The following C10orf143 variants were observed in gnomAD, a reference collection of about 807,000 sequenced individuals.
The protein encoded by C10orf143 is uncharacterized protein C10orf143.
chr10:130,086,118 C>T (rs1292446168), intron 1 of C10orf143, among the ~76,000 whole-genome samples: 1 of 152,182 alleles, frequency 6.6e-6, no homozygotes, highest in Non-Finnish European at 1.5e-5. Context: ...ACTTTCAATG[C>T]CATGTAACTA....
intron 1 of C10orf143, among the ~76,000 whole-genome samples, chr10:130,105,234 G>T (rs1283222435): frequency 6.6e-6 from 1 of 152,094 alleles, no homozygotes; most frequent in Non-Finnish European, 1.5e-5. Context: ...GGCCTGCTTT[G>T]TATTTTAGTT....
chr10:130,083,538 G>A (rs1202628528), intron 1 of C10orf143, among the ~76,000 whole-genome samples: 1 of 152,200 alleles, frequency 6.6e-6, no homozygotes, highest in Non-Finnish European at 1.5e-5. Context: ...GTACATCCAA[G>A]CAACGAAGTA....
intron 1 of C10orf143, among the ~76,000 whole-genome samples, chr10:130,083,097 C>A (rs567546735): frequency 6.6e-6 from 1 of 151,886 alleles, no homozygotes; most frequent in South Asian, 2.1e-4. Flanking sequence ...AAAAAAGGAC[C>A]AAAAACCTGA....
intron 3 of C10orf143, among the ~76,000 whole-genome samples, chr10:130,071,492 G>A (rs1245551410): frequency 3.3e-5 from 5 of 152,036 alleles, no homozygotes; most frequent in Non-Finnish European, 5.9e-5. Flanking sequence ...TTTATTTACT[G>A]GACTGATTTG....
intron 3 of C10orf143, among the ~76,000 whole-genome samples, chr10:130,041,301 C>G (rs140216049): frequency 4.6e-5 from 7 of 152,310 alleles, no homozygotes; most frequent in Non-Finnish European, 8.8e-5. Context: ...TGAGTCCCCT[C>G]CGAAGGTCAG....
chr10:130,069,422 A>G (rs1474045217), intron 3 of C10orf143, among the ~76,000 whole-genome samples: 1 of 152,244 alleles, frequency 6.6e-6, no homozygotes, highest in African/African-American at 2.4e-5. Context: ...CTTGCCTTAC[A>G]AGAAATGCTG....
intron 3 of C10orf143, among the ~76,000 whole-genome samples, chr10:130,054,763 C>A (rs1372988754): frequency 6.6e-6 from 1 of 152,106 alleles, no homozygotes; most frequent in Non-Finnish European, 1.5e-5. Context: ...AGTAACATTG[C>A]ATATCTTTTC....
intron 3 of C10orf143, among the ~76,000 whole-genome samples, chr10:130,048,387 C>T (rs544960057): frequency 2.6e-4 from 40 of 152,252 alleles, no homozygotes; most frequent in African/African-American, 8.9e-4. Context: ...TCTCCTGGGG[C>T]GCCCAATCTC....
At chr10:130,062,125 G>A (rs1860864012), downstream of C10orf143, among the ~76,000 whole-genome samples, 1 of 152,144 alleles carries the variant, frequency 6.6e-6, no homozygotes, top group Non-Finnish European at 1.5e-5. Context: ...CTATTTCATG[G>A]CCTGTACTAA....
chr10:130,099,716 C>T (rs891535010), intron 1 of C10orf143, among the ~76,000 whole-genome samples: 57 of 151,782 alleles, frequency 3.8e-4, no homozygotes, highest in African/African-American at 1.2e-3. Context: ...TTGGTGGAGA[C>T]GGGGTTTCAC....
downstream of C10orf143, among the ~76,000 whole-genome samples, chr10:130,060,618 T>C (rs1860844251): frequency 7.0e-6 from 1 of 142,384 alleles, no homozygotes; most frequent in South Asian, 2.3e-4. Context: ...GGTCAGGAGA[T>C]CGAGACCATC....
intron 3 of C10orf143, among the ~76,000 whole-genome samples, chr10:130,042,916 T>C (rs1373283933): frequency 6.6e-6 from 1 of 152,156 alleles, no homozygotes; most frequent in Admixed American, 6.5e-5. Flanking sequence ...CGTGGCAAAA[T>C]ACCCTTATCT....
rs1860918666 is a variant in C10orf143 at position 130,065,569 on chromosome 10, T to A, written c.298-1186A>T. 1 of 152,270 alleles carries A rather than the reference T, an allele frequency of 6.6e-6. No individual in the cohort carries two copies. The highest frequency in any genetic ancestry group is 6.5e-5 in the Admixed American group (1 of 15,272). 9.4% of individuals were successfully genotyped at this position (152,270 alleles called of 1,614,324 possible). A position where few individuals can be genotyped will look rare whatever the true frequency, so the allele number is the denominator to read the frequency against. Reference sequence around the variant, plus strand: ...AGCAACACTGAGATTTGAAGGGCCCTGGATGCCATGGTGAATACAGGTGCT... The same window carrying A: ...AGCAACACTGAGATTTGAAGGGCCCAGGATGCCATGGTGAATACAGGTGCT... On this transcript the variant is annotated intron_variant, in intron 3 of 3. Coordinates refer to ENST00000637128, the MANE Select transcript of C10orf143 (RefSeq NM_001355042.2). This position sits in a 1 kb window ranked among gnomAD's most constrained non-coding sequence, Gnocchi z 4.2.
intron 3 of C10orf143, among the ~76,000 whole-genome samples, chr10:130,037,759 C>G (rs1229841177): frequency 5.9e-5 from 9 of 152,236 alleles, no homozygotes; most frequent in Non-Finnish European, 1.3e-4. Context: ...GGCCTCGTGT[C>G]TGCATGATCC....
At chr10:130,038,916 G>A (rs902056505) in intron 3 of C10orf143, among the ~76,000 whole-genome samples, 2 of 152,218 alleles carry the variant, frequency 1.3e-5, no homozygotes, top group African/African-American at 4.8e-5. Context: ...GGGCAGGGGA[G>A]TGCTGCACTG....
At chr10:130,043,197 C>T (rs1223561569) in intron 3 of C10orf143, among the ~76,000 whole-genome samples, 1 of 152,136 alleles carries the variant, frequency 6.6e-6, no homozygotes, top group Admixed American at 6.5e-5. Flanking sequence ...TCAAGGTTAC[C>T]GCAGGGAATG....
At chr10:130,080,501 A>G (rs1025382400) in intron 1 of C10orf143, among the ~76,000 whole-genome samples, 1 of 152,228 alleles carries the variant, frequency 6.6e-6, no homozygotes, top group African/African-American at 2.4e-5. Context: ...AAGTCCCAAG[A>G]CTTTGTGTAT....
intron 3 of C10orf143, among the ~76,000 whole-genome samples, chr10:130,074,019 C>G (rs1167437823): frequency 6.6e-6 from 1 of 152,226 alleles, no homozygotes; most frequent in Non-Finnish European, 1.5e-5. Context: ...GAGCTTCTCA[C>G]TGTGTCCGGG....
At chr10:130,099,467 G>T (rs921438081) in intron 1 of C10orf143, among the ~76,000 whole-genome samples, 3 of 151,962 alleles carry the variant, frequency 2.0e-5, no homozygotes, top group Admixed American at 6.6e-5. Context: ...TGCAACCAAT[G>T]GGGTAAAACA....
Sources: gnomAD v4.1 joint callset for allele counts (sites outside exome capture counted in the v4.1 genomes callset) on GRCh38, gnomAD v4.1.1 for gene constraint, Gnocchi (gnomAD v3.1) non-coding constraint, MANE v1.5 for transcripts, NCBI Gene and HGNC (gene_info 2026-07-23, HGNC 2026-07-21) for gene names.